DGKB: variants seen among roughly 807,000 people sequenced by gnomAD.
DGKB encodes the protein 90 kDa diacylglycerol kinase.
In DGKB, 67 loss-of-function variants were observed where a neutral mutation model predicts 114.3. The observed-to-expected ratio is 0.59, with a 90% CI of 0.48 to 0.72. The LOEUF (loss-of-function observed/expected upper bound fraction) is 0.72, where lower values mean the gene tolerates loss of function less well. Among genes scored for constraint, DGKB ranks in the 30% least tolerant of loss-of-function variants. The pLI is 0.00. For synonymous variants in DGKB, 398 were observed against 323.1 expected (o/e 1.23, Z -2.49); for missense variants, 907 against 975.2 (o/e 0.93, Z 0.93).
intron 1 of DGKB, among the ~76,000 whole-genome samples, chr7:14,925,329 A>G (rs1387125187): frequency 6.6e-6 from 1 of 152,226 alleles, no homozygotes; most frequent in African/African-American, 2.4e-5. Context: ...TGTCATCAGT[A>G]TATCTCCTTT....
intron 20 of DGKB, among the ~76,000 whole-genome samples, chr7:14,521,904 A>G (rs995286116): frequency 4.6e-5 from 7 of 152,218 alleles, no homozygotes; most frequent in Middle Eastern, 3.4e-3. Flanking sequence ...CTTAAGATGT[A>G]TATTTTTTTT....
chr7:14,694,044 C>T, intron 9 of DGKB, 31 bp downstream of exon 9: 1 of 1,557,876 alleles, frequency 6.4e-7, no homozygotes, highest in Non-Finnish European at 8.7e-7. Context: ...TGACTCACCA[C>T]CAGGCCACCC....
intron 21 of DGKB, among the ~76,000 whole-genome samples, chr7:14,413,564 C>A (rs565481080): frequency 6.6e-6 from 1 of 151,978 alleles, no homozygotes. Context: ...AGTAACAAGT[C>A]TTGAGGTATT....
intron 23 of DGKB, among the ~76,000 whole-genome samples, chr7:14,187,435 T>C (rs545052303): frequency 1.3e-5 from 2 of 152,310 alleles, no homozygotes; most frequent in Admixed American, 6.5e-5. Flanking sequence ...CCTGGCACCA[T>C]TGCTCTCATG....
chr7:14,157,297 A>G (rs1363506898), intron 25 of DGKB, among the ~76,000 whole-genome samples: 3 of 152,032 alleles, frequency 2.0e-5, no homozygotes, highest in African/African-American at 7.2e-5. Context: ...AATAAAGTAC[A>G]TGCTAAATTT....
At chr7:14,612,809 A>G (rs1044533404) in intron 16 of DGKB, among the ~76,000 whole-genome samples, 1 of 152,180 alleles carries the variant, frequency 6.6e-6, no homozygotes, top group Non-Finnish European at 1.5e-5. Flanking sequence ...TCATTCATTC[A>G]TTACAAAATA....
chr7:14,564,827 T>C (rs1026130127), intron 20 of DGKB, among the ~76,000 whole-genome samples: 9 of 152,100 alleles, frequency 5.9e-5, no homozygotes, highest in African/African-American at 2.2e-4. Flanking sequence ...GCCATTGTTT[T>C]CCAGGGCATT....
chr7:14,808,897 C>T (rs1299486155), intron 2 of DGKB, among the ~76,000 whole-genome samples: 1 of 152,094 alleles, frequency 6.6e-6, no homozygotes, highest in Non-Finnish European at 1.5e-5. Flanking sequence ...TAGATGACAA[C>T]TAAGGTACAG....
chr7:14,932,256 C>A (rs1317324443), intron 1 of DGKB, among the ~76,000 whole-genome samples: 1 of 152,160 alleles, frequency 6.6e-6, no homozygotes, highest in Non-Finnish European at 1.5e-5. Flanking sequence ...CAGTCCCAGA[C>A]ACTCAGGCTA....
intron 9 of DGKB, among the ~76,000 whole-genome samples, chr7:14,692,740 T>A (rs1445083775): frequency 1.3e-5 from 2 of 151,536 alleles, no homozygotes; most frequent in Non-Finnish European, 2.9e-5. Context: ...ACTTTCCATA[T>A]ATCACTTATT....
At chr7:14,288,283 C>T (rs1584949675) in intron 23 of DGKB, among the ~76,000 whole-genome samples, 1 of 93,288 alleles carries the variant, frequency 1.1e-5, no homozygotes, top group South Asian at 4.8e-4. Context: ...ACAAACTACC[C>T]TGAGTTTTTT....
At chr7:14,946,425 T>C (rs1785883910) in intron 1 of DGKB, among the ~76,000 whole-genome samples, 1 of 151,786 alleles carries the variant, frequency 6.6e-6, no homozygotes, top group African/African-American at 2.4e-5. Context: ...TTTCTTTGCA[T>C]CGTAATCATG....
chr7:14,871,498 A>G (rs1372120816), intron 1 of DGKB, among the ~76,000 whole-genome samples: 2 of 152,130 alleles, frequency 1.3e-5, no homozygotes, highest in African/African-American at 4.8e-5. Context: ...CTATCCACAG[A>G]GTCAATCTCG....
intron 19 of DGKB, among the ~76,000 whole-genome samples, chr7:14,579,800 T>A (rs1242709614): frequency 1.3e-5 from 2 of 151,856 alleles, no homozygotes; most frequent in South Asian, 4.2e-4. Flanking sequence ...AAAAAAAAAA[T>A]CATCTGCTCA....
chr7:14,321,589 A>C (rs1228755547), intron 23 of DGKB, among the ~76,000 whole-genome samples: 1 of 151,066 alleles, frequency 6.6e-6, no homozygotes, highest in Non-Finnish European at 1.5e-5. Flanking sequence ...TGGAGACTTT[A>C]AACAGAGAAA....
At chr7:14,637,633 C>CAT (rs761198519) in intron 13 of DGKB, among the ~76,000 whole-genome samples, 269 of 149,882 alleles carry the variant, frequency 1.8e-3, no homozygotes, top group Non-Finnish European at 2.8e-3. Context: ...CACATATATA[C>CAT]ATATATATAT....
chr7:14,628,095 C>T (rs889410218), intron 14 of DGKB, among the ~76,000 whole-genome samples: 2 of 152,154 alleles, frequency 1.3e-5, no homozygotes, highest in African/African-American at 4.8e-5. Context: ...TGCTCACACT[C>T]ATTGTCTCTT....
chr7:14,849,677 C>T (rs1449322186), intron 1 of DGKB, among the ~76,000 whole-genome samples: 2 of 152,140 alleles, frequency 1.3e-5, no homozygotes, highest in African/African-American at 4.8e-5. Context: ...TTTGGATGAC[C>T]TAGCTGGGCA....
chr7:14,322,621 T>C (rs1031630727), intron 23 of DGKB, among the ~76,000 whole-genome samples: 6 of 152,138 alleles, frequency 3.9e-5, no homozygotes, highest in Admixed American at 2.6e-4. Context: ...TGGACTTTAA[T>C]AAAATTAAGA....
Sources: allele counts gnomAD v4.1 joint callset (sites outside exome capture counted in the v4.1 genomes callset), GRCh38; gene constraint gnomAD v4.1.1; transcripts MANE v1.5; gene names NCBI Gene and HGNC (gene_info 2026-07-23, HGNC 2026-07-21).